Variants in CDH18 observed in about 807,000 individuals in gnomAD.
The protein encoded by CDH18 is cadherin-18.
CDH18 carries 31 observed loss-of-function variants against 67.9 expected under a neutral mutation model. That is an observed-to-expected ratio of 0.46 (90% CI 0.34 to 0.62). CDH18 has a LOEUF of 0.62. CDH18 is among the 20% of genes least tolerant of loss of function. CDH18 has a pLI of 0.01. For synonymous variants in CDH18, 362 were observed against 347.2 expected (o/e 1.04, Z -0.48); for missense variants, 890 against 975.5 (o/e 0.91, Z 1.17).
intron 1 of CDH18, among the ~76,000 whole-genome samples, chr5:20,414,041 A>T (rs2150148135): frequency 6.6e-6 from 1 of 152,282 alleles, no homozygotes; most frequent in African/African-American, 2.4e-5. Context: ...TTCAAAAAAC[A>T]ACATATGTTG....
At chr5:19,763,576 T>C (rs1383693964) in intron 3 of CDH18, among the ~76,000 whole-genome samples, 1 of 152,162 alleles carries the variant, frequency 6.6e-6, no homozygotes, top group African/African-American at 2.4e-5. Context: ...TCAGCAGATA[T>C]ATAGAGAAGT....
intron 2 of CDH18, among the ~76,000 whole-genome samples, chr5:20,237,014 C>A (rs113550948): frequency 0.026 from 3,959 of 151,984 alleles, 152 homozygotes; most frequent in African/African-American, 0.089. Flanking sequence ...TTCAGGAATG[C>A]AAGCTAGATT....
chr5:20,480,944 C>T (rs962498467), intron 1 of CDH18, among the ~76,000 whole-genome samples: 8 of 151,646 alleles, frequency 5.3e-5, no homozygotes, highest in African/African-American at 1.9e-4. Flanking sequence ...GGAAAGAAGA[C>T]CACAAAAAAT....
chr5:20,106,060 T>C (rs1313137147), intron 2 of CDH18, among the ~76,000 whole-genome samples: 5 of 152,188 alleles, frequency 3.3e-5, no homozygotes, highest in African/African-American at 7.2e-5. Context: ...CTAGATTTCA[T>C]TGTATTCCTT....
Position 20,058,727 on chromosome 5 carries a change from T to C in CDH18, c.-517-66713A>G, listed in dbSNP as rs139164594. On this transcript the variant is annotated intron_variant, in intron 2 of 14. Transcript: ENST00000507958. ...ATCTTAGAGAAGTAAATAATTGTGATGTGAATTTGTTTGTCTCATTAGCTT... is the reference window on the plus strand; with the variant it reads ...ATCTTAGAGAAGTAAATAATTGTGACGTGAATTTGTTTGTCTCATTAGCTT... 2.4e-3 allele frequency among the ~76,000 whole-genome samples: 365 copies of C among 152,344 alleles called. 2 individuals are homozygous for C. Among genetic ancestry groups the C allele is most frequent in the Middle Eastern group, 3.4e-3 (1 of 294 alleles).
At chr5:20,483,954 T>C (rs1222424031) in intron 1 of CDH18, among the ~76,000 whole-genome samples, 1 of 152,128 alleles carries the variant, frequency 6.6e-6, no homozygotes, top group Non-Finnish European at 1.5e-5. Context: ...GTTAAAAATC[T>C]TCTGCACTAA....
intron 1 of CDH18, among the ~76,000 whole-genome samples, chr5:20,266,371 T>C (rs1225863940): frequency 6.6e-6 from 1 of 152,006 alleles, no homozygotes; most frequent in Non-Finnish European, 1.5e-5. Context: ...ATATAGAAAT[T>C]AGAGTTACAC....
intron 4 of CDH18, among the ~76,000 whole-genome samples, chr5:19,724,972 G>C (rs1231449672): frequency 6.7e-6 from 1 of 148,510 alleles, no homozygotes; most frequent in African/African-American, 2.5e-5. Flanking sequence ...TGTCACCTAG[G>C]CTGGAGTGCA....
At chr5:19,974,067 A>G (rs1265678056) in intron 2 of CDH18, among the ~76,000 whole-genome samples, 1 of 152,176 alleles carries the variant, frequency 6.6e-6, no homozygotes, top group African/African-American at 2.4e-5. Context: ...GCAAAGATAC[A>G]CATAGTGAAC....
At chr5:20,450,133 T>G (rs969473324) in intron 1 of CDH18, among the ~76,000 whole-genome samples, 1 of 151,608 alleles carries the variant, frequency 6.6e-6, no homozygotes, top group Non-Finnish European at 1.5e-5. Flanking sequence ...AGGTCAGGAG[T>G]TGGAGACCAG....
At chr5:19,695,026 T>C (rs1353122171) in intron 5 of CDH18, among the ~76,000 whole-genome samples, 1 of 152,136 alleles carries the variant, frequency 6.6e-6, no homozygotes, top group Non-Finnish European at 1.5e-5. Context: ...GGGTCCATAA[T>C]TAGTGTGGAC....
chr5:19,836,922 G>T (rs774139692), intron 3 of CDH18, among the ~76,000 whole-genome samples: 6 of 152,000 alleles, frequency 3.9e-5, no homozygotes, highest in Non-Finnish European at 7.4e-5. Flanking sequence ...TATACCCAAA[G>T]GATTATAAAT....
In CDH18 at chr5:19,674,958, G is replaced by A. The variant is rs530147141; in HGVS notation, c.643+46389C>T. Reference sequence around the variant, plus strand: ...ATTCAGCCCCCAATATTTCATGTGGGTCCTTTTCTATTTTCCCTAAGTGTC... The same window carrying A: ...ATTCAGCCCCCAATATTTCATGTGGATCCTTTTCTATTTTCCCTAAGTGTC... On this transcript the variant is annotated intron_variant, in intron 5 of 12. Coordinates refer to ENST00000382275, the MANE Select transcript of CDH18 (RefSeq NM_004934.5). 4.6e-5 allele frequency among the ~76,000 whole-genome samples: 7 copies of A among 152,202 alleles called. No homozygotes were observed. The South Asian group carries it at 1.5e-3, about 32-fold the overall frequency.
At chr5:19,808,259 T>C (rs1778233539) in intron 3 of CDH18, among the ~76,000 whole-genome samples, 1 of 151,748 alleles carries the variant, frequency 6.6e-6, no homozygotes, top group Non-Finnish European at 1.5e-5. Flanking sequence ...TTTGTAACTT[T>C]TGTAACGAAT....
At chr5:20,401,990 T>G (rs570417493) in intron 1 of CDH18, among the ~76,000 whole-genome samples, 3 of 152,270 alleles carry the variant, frequency 2.0e-5, no homozygotes, top group Admixed American at 2.0e-4. Context: ...TTTGCTTACT[T>G]TCCCATCTTC....
intron 10 of CDH18, among the ~76,000 whole-genome samples, chr5:19,512,762 A>G (rs1745314704): frequency 6.6e-6 from 1 of 152,032 alleles, no homozygotes; most frequent in African/African-American, 2.4e-5. Context: ...TTTATTTTTC[A>G]TCGTCTCTTT....
chr5:19,882,888 T>C (rs1787801776), intron 2 of CDH18, among the ~76,000 whole-genome samples: 1 of 152,194 alleles, frequency 6.6e-6, no homozygotes, highest in South Asian at 2.1e-4. Flanking sequence ...TTATCAGGTA[T>C]CAAGATATCT....
chr5:19,954,470 T>C (rs1357970440), intron 2 of CDH18, among the ~76,000 whole-genome samples: 1 of 152,030 alleles, frequency 6.6e-6, no homozygotes, highest in African/African-American at 2.4e-5. Context: ...TGCTACAAAA[T>C]ATCCCAAATT....
At chr5:20,367,126 T>A (rs893990697) in intron 1 of CDH18, among the ~76,000 whole-genome samples, 1 of 152,070 alleles carries the variant, frequency 6.6e-6, no homozygotes, top group Non-Finnish European at 1.5e-5. Context: ...ACAGTATGAG[T>A]TTCTGATAGA....
Sources: allele counts gnomAD v4.1 joint callset (sites outside exome capture counted in the v4.1 genomes callset), GRCh38; gene constraint gnomAD v4.1.1; transcripts MANE v1.5; gene names NCBI Gene and HGNC (gene_info 2026-07-23, HGNC 2026-07-21).